Variants in SMARCAL1 observed in about 807,000 individuals in gnomAD.
SMARCAL1 encodes the protein ATP-driven annealing helicase.
Under a neutral mutation model 94.5 loss-of-function variants are expected in SMARCAL1, and 58 were observed. That is an observed-to-expected ratio of 0.61 (90% CI 0.50 to 0.76). The LOEUF (loss-of-function observed/expected upper bound fraction) is 0.76. SMARCAL1 is among the 30% of genes least tolerant of loss of function. The probability of loss-of-function intolerance (pLI) is 0.00; values close to 1 mark genes in which losing one functional copy is unlikely to be tolerated. For synonymous variants in SMARCAL1, 422 were observed against 455.1 expected (o/e 0.93, Z 0.93); for missense variants, 1,051 against 1,177.9 (o/e 0.89, Z 1.58).
intron 14 of SMARCAL1, among the ~76,000 whole-genome samples, chr2:216,468,531 A>C (rs1694884262): frequency 6.6e-6 from 1 of 152,176 alleles, no homozygotes; most frequent in South Asian, 2.1e-4. Context: ...AAGGATTTCC[A>C]AGGATGTTTA....
intron 7 of SMARCAL1, 92 bp from the exon 8 acceptor site, chr2:216,432,626 G>A: frequency 6.7e-7 from 1 of 1,499,548 alleles, no homozygotes. Flanking sequence ...CCAGTGAAGT[G>A]GCCTTCACCC....
chr2:216,461,402 A>T (rs1694698959), intron 12 of SMARCAL1, among the ~76,000 whole-genome samples: 3 of 151,906 alleles, frequency 2.0e-5, no homozygotes, highest in African/African-American at 7.2e-5. Context: ...AATATATATA[A>T]AATATTATAT....
chr2:216,436,010 C>G (rs1281926826), intron 9 of SMARCAL1, among the ~76,000 whole-genome samples: 1 of 152,166 alleles, frequency 6.6e-6, no homozygotes, highest in African/African-American at 2.4e-5. Context: ...CTCTTGTCAC[C>G]CAGGCTGGAG....
intron 4 of SMARCAL1, among the ~76,000 whole-genome samples, chr2:216,420,098 T>C (rs868701643): frequency 3.8e-5 from 4 of 105,636 alleles, no homozygotes; most frequent in Non-Finnish European, 6.2e-5. Context: ...ATTCAGCAAA[T>C]ATTGAAATTC....
At position 216,439,827 on chromosome 2, in the gene SMARCAL1, C is replaced by T. The variant is rs563066821; in HGVS notation, c.1710+1342C>T. 3.3e-5 allele frequency among the ~76,000 whole-genome samples: 5 copies of T among 152,092 alleles called. No individual in the cohort carries two copies. In the South Asian group the frequency reaches 1.0e-3, roughly 32 times the overall value. ...CTGTAATCCCAGCACTTTGGGAGGC[C>T]GAGGCATGTGGGTCACTTGAGACCA... On this transcript the variant is annotated intron_variant, in intron 10 of 17. Coordinates refer to ENST00000357276, the MANE Select transcript of SMARCAL1 (RefSeq NM_014140.4).
In SMARCAL1 at chr2:216,475,159, G is replaced by T. The variant is rs1337520850; in HGVS notation, c.2245-110G>T. 6.0e-6 allele frequency: 6 copies of T among 1,004,854 alleles called. No homozygotes were observed. In the African/African-American group the frequency reaches 9.6e-5, roughly 16 times the overall value. The allele number at this position is 1,004,854 out of a possible 1,614,324, so 62.2% of individuals were successfully genotyped here. A position where few individuals can be genotyped will look rare whatever the true frequency, so the allele number is the denominator to read the frequency against. On this transcript the variant is annotated intron_variant, in intron 14 of 17. Transcript: ENST00000357276. The surrounding 1 kb of genome is among the most constrained non-coding windows in gnomAD (Gnocchi z 4.4). Reference sequence around the variant, plus strand: ...GAAAAGAAAAGCTCTGAAGGCAGGGGCCTCTGCTGAGCTGGAACCTGGTTC... The same window carrying T: ...GAAAAGAAAAGCTCTGAAGGCAGGGTCCTCTGCTGAGCTGGAACCTGGTTC...
In SMARCAL1 at chr2:216,482,573, G is replaced by C. The variant is rs150181207; in HGVS notation, c.2626-165G>C. On this transcript the variant is annotated intron_variant, in intron 17 of 17. Transcript: ENST00000357276. This position sits in a 1 kb window ranked among gnomAD's most constrained non-coding sequence, Gnocchi z 4.3. Reference sequence around the variant, plus strand: ...ACACTAAAACAGTGAGGCTGCTTTAGTGATGGTTTGCTGAGATGATGCACA... The same window carrying C: ...ACACTAAAACAGTGAGGCTGCTTTACTGATGGTTTGCTGAGATGATGCACA... Among the ~76,000 whole-genome samples the C allele has an allele frequency of 6.4e-4, 97 of 152,338 alleles. No individual in the cohort carries two copies. The highest frequency in any genetic ancestry group is 2.3e-3 in the African/African-American group (94 of 41,588).
In SMARCAL1 at chr2:216,415,408, A is replaced by G; in HGVS notation, c.704A>G (p.Asn235Ser). The G allele has an allele frequency of 6.2e-7, 1 of 1,614,234 alleles. No homozygotes were observed. The highest frequency in any genetic ancestry group is 8.5e-7 in the Non-Finnish European group (1 of 1,180,036). Residue 235 changes from asparagine to serine, a missense_variant, in exon 3 of 18, where the codon AAC (asparagine) becomes AGC (serine). Coordinates refer to ENST00000357276, the MANE Select transcript of SMARCAL1 (RefSeq NM_014140.4). Reference sequence around the variant, plus strand: ...GGGTCCTCAGTCCAAAAAGGAGTGAACTCTCAGAAGGGAAAGTGCGTAAGG... The same window carrying G: ...GGGTCCTCAGTCCAAAAAGGAGTGAGCTCTCAGAAGGGAAAGTGCGTAAGG... Reference protein sequence around the residue: ...KSGSSVQKGVNSQKGKCVRNG... With the variant: ...KSGSSVQKGVSSQKGKCVRNG...
chr2:216,481,928 C>T (rs946141700), intron 17 of SMARCAL1, among the ~76,000 whole-genome samples: 8 of 152,116 alleles, frequency 5.3e-5, no homozygotes, highest in African/African-American at 1.7e-4. Context: ...TAGGAAAAAT[C>T]GGCAGAGGGG....
chr2:216,414,591 A>G, intron 2 of SMARCAL1, 56 bp from the exon 3 acceptor site: 1 of 884,802 alleles, frequency 1.1e-6, no homozygotes, highest in Non-Finnish European at 1.9e-6. Flanking sequence ...TCATGGTTGG[A>G]GTATGACAAT....
chr2:216,445,622 A>T (rs540573164), intron 10 of SMARCAL1, among the ~76,000 whole-genome samples: 26 of 152,006 alleles, frequency 1.7e-4, no homozygotes, highest in African/African-American at 5.8e-4. Context: ...CCCCTTTTTC[A>T]TTGAAATGAT....
intron 13 of SMARCAL1, among the ~76,000 whole-genome samples, chr2:216,465,247 C>A (rs1470981683): frequency 6.6e-6 from 1 of 152,208 alleles, no homozygotes; most frequent in East Asian, 1.9e-4. Context: ...TAGGATGTAC[C>A]TGGGTCTCTA....
intron 12 of SMARCAL1, among the ~76,000 whole-genome samples, chr2:216,451,765 T>A (rs1230667299): frequency 1.3e-5 from 2 of 152,240 alleles, no homozygotes; most frequent in African/African-American, 4.8e-5. Flanking sequence ...TTTAGTGTCA[T>A]ACTGTGCTAA....
At chr2:216,481,966 T>C (rs1695211725) in intron 17 of SMARCAL1, among the ~76,000 whole-genome samples, 1 of 152,236 alleles carries the variant, frequency 6.6e-6, no homozygotes, top group Admixed American at 6.5e-5. Context: ...TGTGGTTGTA[T>C]CCACTGGGCA....
intron 12 of SMARCAL1, among the ~76,000 whole-genome samples, chr2:216,461,088 GTGTA>G (rs1167842969): frequency 2.7e-5 from 4 of 146,830 alleles, no homozygotes; most frequent in Admixed American, 6.9e-5. Context: ...GTGTGTGTGT[GTGTA>G]TGTGTGTGTG....
chr2:216,466,980 A>G (rs1207396665), intron 13 of SMARCAL1, among the ~76,000 whole-genome samples: 1 of 152,144 alleles, frequency 6.6e-6, no homozygotes, highest in African/African-American at 2.4e-5. Context: ...TTCCCTGTCC[A>G]GACGCACCCA....
intron 12 of SMARCAL1, among the ~76,000 whole-genome samples, chr2:216,458,936 A>G (rs982524975): frequency 6.6e-6 from 1 of 152,222 alleles, no homozygotes; most frequent in Non-Finnish European, 1.5e-5. Flanking sequence ...AGAAAGCCCC[A>G]TCGTCTCAGC....
At chr2:216,445,829 T>C (rs1400340660) in intron 10 of SMARCAL1, among the ~76,000 whole-genome samples, 1 of 152,236 alleles carries the variant, frequency 6.6e-6, no homozygotes, top group Non-Finnish European at 1.5e-5. Flanking sequence ...GTTTAGATAA[T>C]TGTGTATATT....
intron 8 of SMARCAL1, among the ~76,000 whole-genome samples, chr2:216,435,058 G>T (rs748650836): frequency 6.6e-6 from 1 of 151,776 alleles, no homozygotes; most frequent in Non-Finnish European, 1.5e-5. Flanking sequence ...GGATTTCTCC[G>T]TGTTGGTCAG....
Sources: gnomAD v4.1 joint callset for allele counts (sites outside exome capture counted in the v4.1 genomes callset) on GRCh38, gnomAD v4.1.1 for gene constraint, Gnocchi (gnomAD v3.1) non-coding constraint, MANE v1.5 for transcripts, NCBI Gene and HGNC (gene_info 2026-07-23, HGNC 2026-07-21) for gene names.